PIP5K1B: variants seen among roughly 807,000 people sequenced by gnomAD.
The protein encoded by PIP5K1B is phosphatidylinositol-4-phosphate 5-kinase type 1 beta, also known as phosphatidylinositol 4-phosphate 5-kinase type-1 beta.
A neutral mutation model predicts 67.0 loss-of-function variants in PIP5K1B; 42 were observed. That is an observed-to-expected ratio of 0.63 (90% confidence interval 0.49 to 0.81). The LOEUF is 0.81. PIP5K1B is among the 30% of genes least tolerant of loss of function. The pLI, the probability that PIP5K1B is intolerant of heterozygous loss-of-function variation, is 0.00. For missense variants in PIP5K1B, 459 were observed against 646.3 expected, an observed-to-expected ratio of 0.71 and a Z score of 3.14; for synonymous variants, 214 against 231.4, an observed-to-expected ratio of 0.92 and a Z score of 0.68.
chr9:68,913,871 TA>T (rs755107162), intron 8 of PIP5K1B, among the ~76,000 whole-genome samples: 20 of 147,632 alleles, frequency 1.4e-4, no homozygotes, highest in East Asian at 7.8e-4. Context: ...ATTTATTCTT[TA>T]AAAAAAAAAA....
rs528206930 is a variant in PIP5K1B, at chr9:68,958,175, G to C, written c.1502+17385G>C. Among the ~76,000 whole-genome samples the C allele has an allele frequency of 1.7e-3, 265 of 152,158 alleles. 1 individual carries two copies. Among genetic ancestry groups the C allele is most frequent in the Non-Finnish European group, 3.3e-3 (222 of 67,974 alleles). On this transcript the variant is annotated intron_variant, in intron 14 of 15. Transcript: ENST00000265382. Reference sequence around the variant, plus strand: ...GGCACGAGCCATCACAACTGGCCAAGGAGCTGTTTTCTCAAATGCTAAGTT... The same window carrying C: ...GGCACGAGCCATCACAACTGGCCAACGAGCTGTTTTCTCAAATGCTAAGTT...
At chr9:68,743,698 A>G (rs1223210340) in intron 2 of PIP5K1B, among the ~76,000 whole-genome samples, 1 of 152,182 alleles carries the variant, frequency 6.6e-6, no homozygotes, top group Non-Finnish European at 1.5e-5. Context: ...CATTTGCTTA[A>G]CCAAAGTGCC....
At chr9:68,764,484 T>G (rs1392344458) in intron 2 of PIP5K1B, among the ~76,000 whole-genome samples, 1 of 152,118 alleles carries the variant, frequency 6.6e-6, no homozygotes, top group Non-Finnish European at 1.5e-5. Context: ...ATTTGTCTCA[T>G]GAAGTTGCTA....
At chr9:68,867,070 T>C (rs1248342955) in intron 5 of PIP5K1B, among the ~76,000 whole-genome samples, 1 of 152,170 alleles carries the variant, frequency 6.6e-6, no homozygotes, top group East Asian at 1.9e-4. Flanking sequence ...ACTTATAGTG[T>C]ACATGAAATG....
At chr9:68,917,783 C>T (rs1057131003) in intron 9 of PIP5K1B, 24 bp downstream of exon 9, 32 of 1,564,604 alleles carry the variant, frequency 2.0e-5, no homozygotes, top group Non-Finnish European at 2.8e-5. Context: ...CACACCTACC[C>T]ACCCTCTTGA....
intron 14 of PIP5K1B, among the ~76,000 whole-genome samples, chr9:68,988,931 C>T (rs2132942167): frequency 6.6e-6 from 1 of 151,750 alleles, no homozygotes; most frequent in Non-Finnish European, 1.5e-5. Context: ...CCCACCTCTA[C>T]TAAAAATACA....
chr9:68,808,129 C>T (rs1029962407), intron 2 of PIP5K1B, among the ~76,000 whole-genome samples: 2 of 152,140 alleles, frequency 1.3e-5, no homozygotes, highest in Non-Finnish European at 2.9e-5. Context: ...GCCTGGGAGG[C>T]AGAGGTTGCA....
intron 14 of PIP5K1B, among the ~76,000 whole-genome samples, chr9:68,957,014 T>C (rs1248618379): frequency 6.6e-6 from 1 of 152,144 alleles, no homozygotes; most frequent in African/African-American, 2.4e-5. Flanking sequence ...ATAAAGGATA[T>C]TTGTCATTTA....
intron 14 of PIP5K1B, among the ~76,000 whole-genome samples, chr9:68,950,335 T>C (rs527899159): frequency 1.3e-5 from 2 of 152,322 alleles, no homozygotes; most frequent in East Asian, 1.9e-4. Context: ...CATTTCACTC[T>C]GCTGTTTGCT....
At chr9:68,999,912 T>C (rs888016953) in intron 15 of PIP5K1B, among the ~76,000 whole-genome samples, 1 of 152,208 alleles carries the variant, frequency 6.6e-6, no homozygotes, top group African/African-American at 2.4e-5. Flanking sequence ...TCCCACTCCA[T>C]GTACTTGATT....
At chr9:68,753,163 T>C (rs1397556369) in intron 2 of PIP5K1B, among the ~76,000 whole-genome samples, 6 of 146,072 alleles carry the variant, frequency 4.1e-5, no homozygotes, top group Admixed American at 3.5e-4. Context: ...AATGCCGTAA[T>C]GAATACTGAA....
chr9:68,784,189 TTATTC>T (rs1341174944), intron 2 of PIP5K1B: 2 of 165,522 alleles, frequency 1.2e-5, no homozygotes, highest in Non-Finnish European at 2.9e-5. Flanking sequence ...ACGTCCATCA[TTATTC>T]TGTAGACTGT....
At chr9:68,873,809 A>G (rs1823742586) in intron 5 of PIP5K1B, among the ~76,000 whole-genome samples, 1 of 152,170 alleles carries the variant, frequency 6.6e-6, no homozygotes, top group African/African-American at 2.4e-5. Context: ...CAGCTTTTAA[A>G]TAACAGAGAT....
intron 4 of PIP5K1B, among the ~76,000 whole-genome samples, chr9:68,841,596 T>A (rs1316913741): frequency 1.3e-5 from 2 of 152,342 alleles, no homozygotes; most frequent in African/African-American, 2.4e-5. Flanking sequence ...ATGGATTTTT[T>A]AATAGTTCTT....
At chr9:68,795,013 T>C (rs1348676935) in intron 2 of PIP5K1B, among the ~76,000 whole-genome samples, 1 of 152,216 alleles carries the variant, frequency 6.6e-6, no homozygotes, top group African/African-American at 2.4e-5. Flanking sequence ...TGATAATGCA[T>C]TTCTGTCTTT....
chr9:68,719,611 C>T (rs1827789415), intron 1 of PIP5K1B, among the ~76,000 whole-genome samples: 1 of 152,106 alleles, frequency 6.6e-6, no homozygotes, highest in South Asian at 2.1e-4. Flanking sequence ...GTTGTTCAGA[C>T]TCAGTTGTGA....
chr9:68,861,513 G>A (rs1261881503), intron 4 of PIP5K1B, among the ~76,000 whole-genome samples: 1 of 152,212 alleles, frequency 6.6e-6, no homozygotes, highest in African/African-American at 2.4e-5. Context: ...TCCAGCCCAA[G>A]AAGTGTTAAA....
chr9:68,737,588 AG>A (rs1828801317), intron 1 of PIP5K1B, among the ~76,000 whole-genome samples: 1 of 152,240 alleles, frequency 6.6e-6, no homozygotes, highest in African/African-American at 2.4e-5. Flanking sequence ...CAGGGTTAGC[AG>A]GGTTGAAGGA....
intron 1 of PIP5K1B, among the ~76,000 whole-genome samples, chr9:68,714,923 C>G (rs1827561781): frequency 1.3e-5 from 2 of 152,218 alleles, no homozygotes; most frequent in Non-Finnish European, 2.9e-5. Flanking sequence ...TCTACTTCCA[C>G]AGTTGCTTAT....
Sources: allele counts gnomAD v4.1 joint callset (sites outside exome capture counted in the v4.1 genomes callset), GRCh38; gene constraint gnomAD v4.1.1; transcripts MANE v1.5; gene names NCBI Gene and HGNC (gene_info 2026-07-23, HGNC 2026-07-21).